The following NCOR2 variants were observed in gnomAD, a reference collection of about 807,000 sequenced individuals.
The protein encoded by NCOR2 is CTG repeat protein 26.
A neutral mutation model predicts 262.9 loss-of-function variants in NCOR2; 81 were observed. That is an observed-to-expected ratio of 0.31 (90% CI 0.26 to 0.37). The LOEUF is 0.37. NCOR2 is among the 10% of genes least tolerant of loss of function. NCOR2 has a pLI of 1.00. For synonymous variants in NCOR2, 1,659 were observed against 1,559.3 expected (o/e 1.06, Z -1.51); for missense variants, 3,385 against 3,621.4 (o/e 0.93, Z 1.68).
At chr12:124,406,040 G>A (rs917221582) in intron 13 of NCOR2, among the ~76,000 whole-genome samples, 11 of 152,216 alleles carry the variant, frequency 7.2e-5, no homozygotes, top group African/African-American at 1.9e-4. Context: ...CCAGGCGTTC[G>A]TATGTTAAAT....
At chr12:124,372,336 G>A (rs555070826) in exon 20 of NCOR2, 97 of 1,520,188 alleles carry the variant, frequency 6.4e-5, no homozygotes, top group African/African-American at 1.9e-4. Context: ...GCGCTGCTGC[G>A]GTCTCCTCCT....
rs901430197 is a variant in NCOR2, at chr12:124,482,851, C to A, written c.411+745G>T. On this transcript the variant is annotated intron_variant, in intron 3 of 46. Coordinates refer to ENST00000405201, the Ensembl canonical transcript of NCOR2. The surrounding 1 kb of genome is among the most constrained non-coding windows in gnomAD (Gnocchi z 6.3). Reference sequence around the variant, plus strand: ...TGGGTGGCTGCAGACTCAACCCACGCTAGCCCAGTGCCACACGGTGGCCCA... The same window carrying A: ...TGGGTGGCTGCAGACTCAACCCACGATAGCCCAGTGCCACACGGTGGCCCA... 6.6e-6 allele frequency among the ~76,000 whole-genome samples: 1 copy of A among 152,188 alleles called. No individual in the cohort carries two copies. Among genetic ancestry groups the A allele is most frequent in the Non-Finnish European group, 1.5e-5 (1 of 68,010 alleles).
chr12:124,402,503 C>A (rs768882087), exon 14 of NCOR2: 3 of 1,484,614 alleles, frequency 2.0e-6, no homozygotes, highest in Middle Eastern at 1.8e-4. Flanking sequence ...CTGGCTGCTG[C>A]GGGGCATGGG....
At chr12:124,426,592 G>C (rs2043568635) in intron 11 of NCOR2, 30 bp downstream of exon 13, 2 of 1,538,822 alleles carry the variant, frequency 1.3e-6, no homozygotes, top group Non-Finnish European at 1.8e-6. Context: ...TGGGGGGCCG[G>C]GAGGCCAGGC....
intron 43 of NCOR2, 110 bp from the exon 46 acceptor site, chr12:124,331,008 G>A: frequency 9.1e-7 from 1 of 1,103,096 alleles, no homozygotes; most frequent in African/African-American, 1.6e-5. Context: ...GGGGAAACTT[G>A]TGCATTGCAG....
At position 124,548,071 on chromosome 12, in the gene NCOR2, G is replaced by A. The variant is rs1159315949; in HGVS notation, c.-164-12460C>T. Among the ~76,000 whole-genome samples, 1 of 151,574 alleles carries A rather than the reference G, an allele frequency of 6.6e-6. No individual in the cohort carries two copies. Among genetic ancestry groups the A allele is most frequent in the Non-Finnish European group, 1.5e-5 (1 of 67,866 alleles). On this transcript the variant is annotated intron_variant, in intron 1 of 32. Coordinates refer to the NCOR2 transcript ENST00000458234. The surrounding 1 kb of genome is among the most constrained non-coding windows in gnomAD (Gnocchi z 5.1). ...GAAGGAGCCAGCTGGTGGGAGAGAG[G>A]GGCCTGGGGTGCCCCAGGCCGGGCA...
Position 124,367,925 on chromosome 12 carries a change from C to T in NCOR2, c.2807+4097G>A, listed in dbSNP as rs116408864. On this transcript the variant is annotated intron_variant, in intron 20 of 46. Coordinates refer to ENST00000405201, the Ensembl canonical transcript of NCOR2. ...CTGGGATTACAGGCATGAGCCACCG[C>T]GACCGGCCTCTCTCCTTTGTTTTCT... Among the ~76,000 whole-genome samples the T allele has an allele frequency of 7.8e-3, 1,188 of 152,332 alleles. 17 individuals are homozygous for T. Among genetic ancestry groups the T allele is most frequent in the African/African-American group, 0.024 (1,008 of 41,570 alleles).
intron 18 of NCOR2, 63 bp from the exon 21 acceptor site, chr12:124,374,526 G>C: frequency 6.6e-7 from 1 of 1,523,690 alleles, no homozygotes; most frequent in African/African-American, 1.4e-5. Context: ...GGGGAGGGAG[G>C]AGGCAACGTG....
chr12:124,439,182 G>C (rs2044633621), intron 7 of NCOR2, among the ~76,000 whole-genome samples: 1 of 125,016 alleles, frequency 8.0e-6, no homozygotes, highest in African/African-American at 2.9e-5. Context: ...GAGACCCAGA[G>C]AGAGAGAGAC....
At chr12:124,515,890 G>T (rs2049734303) in intron 1 of NCOR2, among the ~76,000 whole-genome samples, 1 of 152,164 alleles carries the variant, frequency 6.6e-6, no homozygotes. Context: ...CGTCACAAAG[G>T]CCCTGGTGCT....
chr12:124,421,100 TC>T (rs1309531484), intron 12 of NCOR2, among the ~76,000 whole-genome samples: 1 of 152,238 alleles, frequency 6.6e-6, no homozygotes, highest in Non-Finnish European at 1.5e-5. Context: ...GCAGCCCGGC[TC>T]CGGACAGCAG....
Position 124,561,027 on chromosome 12 carries a change from C to T in NCOR2, c.-165+6281G>A, listed in dbSNP as rs540295432. Among the ~76,000 whole-genome samples, 15 of 152,330 alleles carry T rather than the reference C, an allele frequency of 9.8e-5. No homozygotes were observed. In the South Asian group the frequency reaches 2.5e-3, roughly 25 times the overall value. Reference sequence around the variant, plus strand: ...AGAGAAAGCAGATAGGTGTCTTTTGCAGGTATCTGCTTGTGCAGACAGATA... The same window carrying T: ...AGAGAAAGCAGATAGGTGTCTTTTGTAGGTATCTGCTTGTGCAGACAGATA... On this transcript the variant is annotated intron_variant, in intron 1 of 32. Coordinates refer to the NCOR2 transcript ENST00000458234.
intron 35 of NCOR2, 61 bp downstream of exon 37, chr12:124,340,527 GCTTCTGCCCGCCCA>G: frequency 6.5e-7 from 1 of 1,549,170 alleles, no homozygotes; most frequent in Non-Finnish European, 8.7e-7. Context: ...AGAGAGCAGG[GCTTCTGCCCGCCCA>G]TCCCCCAGCC....
chr12:124,361,212 T>C (rs2038567865), intron 22 of NCOR2, among the ~76,000 whole-genome samples: 1 of 151,974 alleles, frequency 6.6e-6, no homozygotes. Flanking sequence ...CACCCGGATT[T>C]GTCCCTGGGC....
At chr12:124,562,873 A>T (rs1175707440) in intron 1 of NCOR2, among the ~76,000 whole-genome samples, 2 of 152,212 alleles carry the variant, frequency 1.3e-5, no homozygotes, top group East Asian at 3.9e-4. Context: ...CAACAGGATA[A>T]GCCAAAATGG....
intron 34 of NCOR2, 45 bp from the exon 37 acceptor site, chr12:124,340,796 AGGCCAGGCTGCCCACC>A: frequency 1.4e-6 from 2 of 1,457,174 alleles, no homozygotes; most frequent in Non-Finnish European, 1.8e-6. Context: ...GGGAGGAGAG[AGGCCAGGCTGCCCACC>A]GGCCAGATCA....
At position 124,489,862 on chromosome 12, in the gene NCOR2, G is replaced by A. The variant is rs1019952752; in HGVS notation, c.106-3294C>T. On this transcript the variant is annotated intron_variant, in intron 1 of 46. Coordinates refer to ENST00000405201, the Ensembl canonical transcript of NCOR2. ...CGGGGGGATGTTTGAGCATGGACTGGGAGAAGTTCCTTTGCGGGAGAGGAG... is the reference window on the plus strand; with the variant it reads ...CGGGGGGATGTTTGAGCATGGACTGAGAGAAGTTCCTTTGCGGGAGAGGAG... Among the ~76,000 whole-genome samples, 5 of 152,156 alleles carry A rather than the reference G, an allele frequency of 3.3e-5. No homozygotes were observed. The South Asian group carries it at 8.3e-4, about 25-fold the overall frequency.
At chr12:124,388,742 G>A (rs2041012948) in intron 16 of NCOR2, 1 of 1,304,316 alleles carries the variant, frequency 7.7e-7, no homozygotes, top group East Asian at 5.6e-5. Flanking sequence ...GGGCTGGGAA[G>A]ATGCCCCAGG....
chr12:124,487,496 G>A (rs1215412341), intron 1 of NCOR2, among the ~76,000 whole-genome samples: 2 of 152,216 alleles, frequency 1.3e-5, no homozygotes, highest in Non-Finnish European at 2.9e-5. Flanking sequence ...ACGGGGCCTC[G>A]GCCTTGGCCT....
Sources: gnomAD v4.1 joint callset for allele counts (sites outside exome capture counted in the v4.1 genomes callset) on GRCh38, gnomAD v4.1.1 for gene constraint, Gnocchi (gnomAD v3.1) non-coding constraint, MANE v1.5 for transcripts, NCBI Gene and HGNC (gene_info 2026-07-23, HGNC 2026-07-21) for gene names.